Variants in PEX11G observed in about 807,000 individuals in gnomAD.
PEX11G encodes the protein peroxisomal membrane protein 11C.
Under a neutral mutation model 22.5 loss-of-function variants are expected in PEX11G, and 20 were observed. The observed-to-expected ratio is 0.89, with a 90% CI of 0.62 to 1.29. The LOEUF is 1.29. PEX11G is among the 50% of genes most tolerant of loss of function. The pLI is 0.00. For synonymous variants in PEX11G, 141 were observed against 154.5 expected (o/e 0.91, Z 0.65); for missense variants, 347 against 331.3 (o/e 1.05, Z -0.37).
rs1208718592 is a variant in PEX11G at position 7,481,973 on chromosome 19, T to A, written c.428+60A>T. 4 of 1,444,836 alleles carry A rather than the reference T, an allele frequency of 2.8e-6. No homozygotes were observed. In the East Asian group the frequency reaches 1.0e-4, roughly 36 times the overall value. The allele number at this position is 1,444,836 out of a possible 1,614,324, so 89.5% of individuals were successfully genotyped here. A position where few individuals can be genotyped will look rare whatever the true frequency, so the allele number is the denominator to read the frequency against. On this transcript the variant is annotated intron_variant, in intron 3 of 4. Transcript: ENST00000221480. ...GTGCTGTTGCTGGGGCCGCTGCCACTTTGCTAAGGAGGCACCGCCCAGGGA... is the reference window on the plus strand; with the variant it reads ...GTGCTGTTGCTGGGGCCGCTGCCACATTGCTAAGGAGGCACCGCCCAGGGA...
chr19:7,488,266 G>C (rs1458726835), intron 1 of PEX11G, among the ~76,000 whole-genome samples: 2 of 152,190 alleles, frequency 1.3e-5, no homozygotes, highest in Non-Finnish European at 2.9e-5. Flanking sequence ...AGGCATGGCA[G>C]GGCCCAGGCC....
chr19:7,481,493 C>T lies in PEX11G; in HGVS notation c.428+540G>A, dbSNP rs147344819. On this transcript the variant is annotated intron_variant, in intron 3 of 4. Coordinates refer to ENST00000221480, the MANE Select transcript of PEX11G (RefSeq NM_080662.4). ...CTGGGATTACAGGCATGAGCCACCA[C>T]GCCCAACCTAAGCTAAGGATCTTGA... Among the ~76,000 whole-genome samples the T allele has an allele frequency of 5.9e-3, 896 of 152,334 alleles. 13 individuals are homozygous for T. Among genetic ancestry groups the T allele is most frequent in the African/African-American group, 0.02 (847 of 41,574 alleles).
chr19:7,479,061 G>C (rs2145950435), intron 3 of PEX11G, among the ~76,000 whole-genome samples: 1 of 152,368 alleles, frequency 6.6e-6, no homozygotes, highest in Middle Eastern at 3.4e-3. Context: ...GCAGGGCCTG[G>C]TCACAACTCC....
chr19:7,484,929 T>C (rs78572805), intron 2 of PEX11G, among the ~76,000 whole-genome samples: 2 of 152,302 alleles, frequency 1.3e-5, no homozygotes, highest in East Asian at 3.9e-4. Context: ...AATGAGAACA[T>C]CTGATCCTCT....
chr19:7,477,150 G>A lies in PEX11G; in HGVS notation c.*52C>T, dbSNP rs981662037. 6.5e-6 allele frequency: 9 copies of A among 1,385,530 alleles called. No homozygotes were observed. The highest frequency in any genetic ancestry group is 3.3e-5 in the South Asian group (2 of 60,718). 85.8% of individuals were successfully genotyped at this position (1,385,530 alleles called of 1,614,324 possible). ...CCTGCCCTGGCGGCTTCTGCTTTGC[G>A]GGAAGGGCCCTCCGTGGGCTCTGGC... On this transcript the variant is annotated 3_prime_UTR_variant, in exon 5 of 5. Transcript: ENST00000221480.
intron 1 of PEX11G, among the ~76,000 whole-genome samples, chr19:7,488,120 C>T (rs886190982): frequency 7.2e-5 from 11 of 152,244 alleles, no homozygotes; most frequent in Admixed American, 6.5e-4. Context: ...AACCCAGGGA[C>T]CAACTACAGT....
At chr19:7,478,594 G>T (rs1339290130) in intron 3 of PEX11G, among the ~76,000 whole-genome samples, 1 of 152,082 alleles carries the variant, frequency 6.6e-6, no homozygotes, top group Non-Finnish European at 1.5e-5. Flanking sequence ...ACATCGTCCT[G>T]CACTTCTGAC....
At chr19:7,478,511 C>T (rs1977340563) in intron 3 of PEX11G, 135 bp from the exon 4 acceptor site, 3 of 870,606 alleles carry the variant, frequency 3.4e-6, no homozygotes, top group Non-Finnish European at 5.4e-6. Context: ...CCTGCCCCCA[C>T]AGTCCCACAC....
intron 1 of PEX11G, among the ~76,000 whole-genome samples, chr19:7,487,106 G>A (rs960568661): frequency 1.1e-4 from 16 of 152,078 alleles, no homozygotes; most frequent in African/African-American, 3.9e-4. Flanking sequence ...TTGGAGGTGG[G>A]ACAAATGAAG....
chr19:7,478,257 G>A lies in PEX11G; in HGVS notation c.491+57C>T. 3.2e-6 allele frequency: 5 copies of A among 1,572,090 alleles called. No individual in the cohort carries two copies. In the South Asian group the frequency reaches 4.6e-5, roughly 14 times the overall value. Reference sequence around the variant, plus strand: ...CTGCACAGGGGTGGCTGCGAGCCGGGATCCCACGCCTGCTGGAGGGAGTGG... The same window carrying A: ...CTGCACAGGGGTGGCTGCGAGCCGGAATCCCACGCCTGCTGGAGGGAGTGG... On this transcript the variant is annotated intron_variant, in intron 4 of 4. Transcript: ENST00000221480.
intron 4 of PEX11G, 95 bp downstream of exon 4, chr19:7,478,219 C>A: frequency 7.4e-7 from 1 of 1,354,114 alleles, no homozygotes; most frequent in Admixed American, 2.0e-5. Flanking sequence ...GCACAACAGT[C>A]CCCAGCATGG....
At chr19:7,477,868 CA>C (rs1277431660) in intron 4 of PEX11G, among the ~76,000 whole-genome samples, 1 of 152,106 alleles carries the variant, frequency 6.6e-6, no homozygotes, top group East Asian at 1.9e-4. Flanking sequence ...AAATAAAAAA[CA>C]AAATTAGCCA....
chr19:7,479,735 AT>A (rs5826973), intron 3 of PEX11G, among the ~76,000 whole-genome samples: 14,672 of 152,252 alleles, frequency 0.096, 781 homozygotes, highest in South Asian at 0.18. Context: ...ATTCCATTTG[AT>A]TCTGCAAGGG....
At chr19:7,483,133 T>A (rs1977581668) in intron 2 of PEX11G, 1 of 21,354 alleles carries the variant, frequency 4.7e-5, no homozygotes. Context: ...CCCCGCCCCC[T>A]CTACCTTTAT....
chr19:7,490,160 A>G (rs1478177262), upstream of PEX11G, among the ~76,000 whole-genome samples: 3 of 148,954 alleles, frequency 2.0e-5, no homozygotes, highest in East Asian at 6.2e-4. Context: ...ACCCGGCCTC[A>G]ATGTCCTTTT....
In PEX11G at chr19:7,484,891, G is replaced by A. The variant is rs770515228; in HGVS notation, c.249+947C>T. Among the ~76,000 whole-genome samples, 8 of 152,140 alleles carry A rather than the reference G, an allele frequency of 5.3e-5. No homozygotes were observed. The South Asian group carries it at 8.3e-4, about 16-fold the overall frequency. On this transcript the variant is annotated intron_variant, in intron 2 of 4. Coordinates refer to ENST00000221480, the MANE Select transcript of PEX11G (RefSeq NM_080662.4). ...ATATCCTCCTTTGGAATGTGTGAAC[G>A]TTTGCTATTTTTAAAAATTTAAATC...
In PEX11G at chr19:7,486,022, CG is replaced by C. The variant is rs769600018; in HGVS notation, c.64del (p.Arg22GlufsTer74). 1.9e-6 allele frequency: 3 copies of C among 1,586,960 alleles called. No individual in the cohort carries two copies. The South Asian group carries it at 3.4e-5, about 18-fold the overall frequency. On this transcript the variant is annotated frameshift_variant, in exon 2 of 5. Coordinates refer to ENST00000221480, the MANE Select transcript of PEX11G (RefSeq NM_080662.4). LOFTEE classifies it high-confidence loss of function. ...CAGCTGGCAGCAGTACCCCAGCACT[CG>C]GATCTGTGGGAAACCAGAAGCAGTC... ...ESYRGRDRLI[R>X]VLGYCCQLVG...
upstream of PEX11G, chr19:7,489,052 AG>A (rs374051524): frequency 2.1e-4 from 316 of 1,481,272 alleles, no homozygotes; most frequent in East Asian, 5.0e-3. Flanking sequence ...GCGCCGCGCC[AG>A]GGGGCGGGGC....
chr19:7,483,107 C>T, intron 2 of PEX11G, among the ~76,000 whole-genome samples: 1 of 137,892 alleles, frequency 7.3e-6, no homozygotes, highest in Non-Finnish European at 1.6e-5. Flanking sequence ...CCCACCGTGA[C>T]CCCGCCCCAT....
Sources: allele counts gnomAD v4.1 joint callset (sites outside exome capture counted in the v4.1 genomes callset), GRCh38; gene constraint gnomAD v4.1.1; transcripts MANE v1.5; gene names NCBI Gene and HGNC (gene_info 2026-07-23, HGNC 2026-07-21).